COL4A1: variants seen among roughly 807,000 people sequenced by gnomAD.
COL4A1 encodes collagen alpha-1(IV) chain.
In COL4A1, 40 loss-of-function variants were observed where a neutral mutation model predicts 216.6. The observed-to-expected ratio is 0.18, with a 90% CI of 0.14 to 0.24. COL4A1 has a LOEUF of 0.24. COL4A1 is among the 10% of genes least tolerant of loss of function. COL4A1 has a pLI of 1.00. For synonymous variants in COL4A1, 839 were observed against 810.7 expected, an observed-to-expected ratio of 1.03 and a Z score of -0.59; for missense variants, 1,628 against 2,196.8, an observed-to-expected ratio of 0.74 and a Z score of 5.18.
Position 110,211,529 on chromosome 13 carries a change from G to T in COL4A1, c.468+118C>A, listed in dbSNP as rs1341236883. 5.5e-6 allele frequency: 5 copies of T among 912,752 alleles called. No individual in the cohort carries two copies. Among genetic ancestry groups the T allele is most frequent in the African/African-American group, 1.7e-5 (1 of 59,684 alleles). The allele number at this position is 912,752 out of a possible 1,614,324, so 56.5% of individuals were successfully genotyped here. ...TTTTCATGTAACAGAGTTTAGGGAAGTGTGTTCAGAAACAATCGATCAGCC... is the reference window on the plus strand; with the variant it reads ...TTTTCATGTAACAGAGTTTAGGGAATTGTGTTCAGAAACAATCGATCAGCC... On this transcript the variant is annotated intron_variant, in intron 8 of 51. Coordinates refer to ENST00000375820, the MANE Select transcript of COL4A1 (RefSeq NM_001845.6). This position sits in a 1 kb window ranked among gnomAD's most constrained non-coding sequence, Gnocchi z 4.3.
chr13:110,206,562 A>C, intron 15 of COL4A1, 103 bp downstream of exon 15: 2 of 1,292,106 alleles, frequency 1.5e-6, no homozygotes, highest in South Asian at 2.4e-5. Context: ...GATAAACTAG[A>C]AGTCCCTACG....
At chr13:110,306,343 C>T (rs995076126) in intron 1 of COL4A1, among the ~76,000 whole-genome samples, 1 of 152,170 alleles carries the variant, frequency 6.6e-6, no homozygotes, top group African/African-American at 2.4e-5. Context: ...TTCTTCAAGC[C>T]GGGCGTCCAG....
intron 1 of COL4A1, among the ~76,000 whole-genome samples, chr13:110,278,255 A>G (rs1392196143): frequency 6.6e-6 from 1 of 152,090 alleles, no homozygotes; most frequent in African/African-American, 2.4e-5. Context: ...TTCCAATGCT[A>G]TTTTGCACCT....
In COL4A1 at chr13:110,183,206, G is replaced by A. The variant is rs1594557377; in HGVS notation, c.1968C>T (p.Ser656=). 1 of 1,613,786 alleles carries A rather than the reference G, an allele frequency of 6.2e-7. No individual in the cohort carries two copies. The highest frequency in any genetic ancestry group is 1.3e-5 in the African/African-American group (1 of 74,928). Residue 656 remains serine, a synonymous_variant, in exon 27 of 52, where the codon TCC becomes TCT. Coordinates refer to ENST00000375820, the MANE Select transcript of COL4A1 (RefSeq NM_001845.6). ...GPPGAEGLPG[S]PGFPGPQGDR... ...TACCTTGGGGACCTGGGAAGCCTGG[G>A]GACCCCGGCAGTCCTTCTGCTCCAG...
At chr13:110,291,510 T>G (rs1469444308) in intron 1 of COL4A1, among the ~76,000 whole-genome samples, 1 of 152,136 alleles carries the variant, frequency 6.6e-6, no homozygotes, top group African/African-American at 2.4e-5. Context: ...AAGTCAGCCC[T>G]CTCCCATCGC....
At chr13:110,298,387 T>G (rs1252814704) in intron 1 of COL4A1, among the ~76,000 whole-genome samples, 1 of 152,168 alleles carries the variant, frequency 6.6e-6, no homozygotes, top group African/African-American at 2.4e-5. Flanking sequence ...ATATCCTACG[T>G]AATAAAAACC....
At chr13:110,187,114 T>A in intron 25 of COL4A1, 24 bp downstream of exon 25, 3 of 1,613,808 alleles carry the variant, frequency 1.9e-6, no homozygotes, top group Non-Finnish European at 2.5e-6. Context: ...AAAATGCACA[T>A]TCAAAGTCTG....
intron 1 of COL4A1, among the ~76,000 whole-genome samples, chr13:110,294,650 A>G (rs944726228): frequency 2.0e-5 from 3 of 152,236 alleles, no homozygotes; most frequent in African/African-American, 7.2e-5. Flanking sequence ...ACAATTTCCT[A>G]TAAAGGACTC....
At chr13:110,157,538 G>T (rs61964963) in intron 49 of COL4A1, among the ~76,000 whole-genome samples, 3,869 of 152,332 alleles carry the variant, frequency 0.025, 86 homozygotes, top group Middle Eastern at 0.048. Flanking sequence ...GCCTCTCTAC[G>T]AGAGGGAAGT....
At chr13:110,269,596 G>A (rs972439702) in intron 1 of COL4A1, among the ~76,000 whole-genome samples, 7 of 152,066 alleles carry the variant, frequency 4.6e-5, no homozygotes, top group African/African-American at 1.7e-4. Flanking sequence ...AAGTTAAGCT[G>A]CATCTGGAAC....
intron 1 of COL4A1, among the ~76,000 whole-genome samples, chr13:110,286,120 A>G (rs1883835860): frequency 6.6e-6 from 1 of 152,182 alleles, no homozygotes; most frequent in Admixed American, 6.5e-5. Flanking sequence ...GGAATGCCCT[A>G]AGGAGAAACT....
rs759914272 is a variant in COL4A1 at position 110,170,742 on chromosome 13, A to G, written c.3557-10T>C. The G allele has an allele frequency of 1.9e-6, 3 of 1,613,990 alleles. No individual in the cohort carries two copies. Among genetic ancestry groups the G allele is most frequent in the Non-Finnish European group, 1.7e-6 (2 of 1,179,988 alleles). Reference sequence around the variant, plus strand: ...ACCTCACCCTTTGAACCTGAACAAGAAAAACAGTTTGAGGTGATGGGAAAC... The same window carrying G: ...ACCTCACCCTTTGAACCTGAACAAGGAAAACAGTTTGAGGTGATGGGAAAC... On this transcript the variant is annotated splice_polypyrimidine_tract_variant and intron_variant, in intron 41 of 51. Transcript: ENST00000375820.
chr13:110,203,457 C>G, intron 18 of COL4A1, 109 bp downstream of exon 18: 1 of 1,275,164 alleles, frequency 7.8e-7, no homozygotes. Flanking sequence ...CCAGCGCTCT[C>G]ACAGACCCAG....
chr13:110,237,725 C>T (rs759303939), intron 2 of COL4A1, among the ~76,000 whole-genome samples: 8 of 152,188 alleles, frequency 5.3e-5, no homozygotes, highest in Admixed American at 2.0e-4. Context: ...AGCCTAGATC[C>T]GTTGTGTAAA....
intron 1 of COL4A1, among the ~76,000 whole-genome samples, chr13:110,299,091 G>A (rs374499374): frequency 1.3e-5 from 2 of 152,196 alleles, no homozygotes; most frequent in South Asian, 4.1e-4. Context: ...GGCAGGAGCA[G>A]AAATCAACGG....
In COL4A1 at chr13:110,170,577, G is replaced by A. The variant is rs148801165; in HGVS notation, c.3712C>T (p.Arg1238Cys). Residue 1238 changes from arginine (R) to cysteine (C), a missense_variant, in exon 42 of 52, where the codon CGC (arginine) becomes TGC (cysteine). By Grantham distance (180) the Arg-to-Cys change is radical. This residue lies in a region of COL4A1 where 345 missense variants were observed against 476.9 expected (regional missense o/e 0.72). Coordinates refer to ENST00000375820, the MANE Select transcript of COL4A1 (RefSeq NM_001845.6). ...AGGCCAGGCTGGCCCTGAGGTCCGCGGTCTCCTTTGGGCCCCTCCGTGGCA... is the reference window on the plus strand; with the variant it reads ...AGGCCAGGCTGGCCCTGAGGTCCGCAGTCTCCTTTGGGCCCCTCCGTGGCA... Reference protein sequence around the residue: ...GHATEGPKGDRGPQGQPGLPG... With the variant: ...GHATEGPKGDCGPQGQPGLPG... 2.2e-4 allele frequency: 347 copies of A among 1,608,186 alleles called. No homozygotes were observed. The highest frequency in any genetic ancestry group is 2.8e-4 in the Non-Finnish European group (331 of 1,177,342).
chr13:110,225,095 T>C (rs970288112), intron 2 of COL4A1, among the ~76,000 whole-genome samples: 1 of 152,186 alleles, frequency 6.6e-6, no homozygotes, highest in African/African-American at 2.4e-5. Flanking sequence ...ACAGGTGCCC[T>C]GCCAGGGGAC....
intron 36 of COL4A1, 65 bp from the exon 37 acceptor site, chr13:110,175,422 G>A: frequency 1.9e-6 from 3 of 1,603,124 alleles, no homozygotes; most frequent in Non-Finnish European, 2.6e-6. Context: ...AAATGAAAAA[G>A]TGCCTCCACA....
At chr13:110,159,730 CA>C (rs1876980124) in intron 49 of COL4A1, among the ~76,000 whole-genome samples, 1 of 152,132 alleles carries the variant, frequency 6.6e-6, no homozygotes, top group African/African-American at 2.4e-5. Flanking sequence ...AATGGAGAAA[CA>C]AAACGTGGCA....
Sources: allele counts gnomAD v4.1 joint callset (sites outside exome capture counted in the v4.1 genomes callset), GRCh38; gene constraint gnomAD v4.1.1; regional missense constraint gnomAD v4.1.1; non-coding constraint Gnocchi (gnomAD v3.1); transcripts MANE v1.5; gene names NCBI Gene and HGNC (gene_info 2026-07-23, HGNC 2026-07-21).